Variants in ETV5 observed in about 807,000 individuals in gnomAD.
ETV5 encodes ETS translocation variant 5.
ETV5 carries 10 observed loss-of-function variants against 70.0 expected under a neutral mutation model. The ratio of observed to expected loss-of-function variants is 0.14; its 90% CI spans 0.09 to 0.24. ETV5 has a LOEUF of 0.24. Ranked by LOEUF, ETV5 falls within the 10% of genes least tolerant of loss-of-function variation. ETV5 has a pLI of 1.00. For synonymous variants in ETV5, 216 were observed against 242.2 expected (o/e 0.89, Z 1.01); for missense variants, 453 against 651.2 (o/e 0.70, Z 3.31).
intron 5 of ETV5, among the ~76,000 whole-genome samples, chr3:186,086,669 C>T (rs1714064419): frequency 6.6e-6 from 1 of 151,956 alleles, no homozygotes; most frequent in African/African-American, 2.4e-5. Context: ...AAGATGTCTA[C>T]ACTGGGCCAG....
At position 186,047,929 on chromosome 3, in the gene ETV5, G is replaced by A. The variant is rs923839142; in HGVS notation, c.*710C>T. On this transcript the variant is annotated 3_prime_UTR_variant, in exon 13 of 13. Transcript: ENST00000306376. Reference sequence around the variant, plus strand: ...CAAAATACTGTCAAAAGTGTTAATCGCCCTTCTCCTAAAATAAAAGTCATC... The same window carrying A: ...CAAAATACTGTCAAAAGTGTTAATCACCCTTCTCCTAAAATAAAAGTCATC... 4 of 233,158 alleles carry A rather than the reference G, an allele frequency of 1.7e-5. No individual in the cohort carries two copies. The highest frequency in any genetic ancestry group is 1.2e-4 in the East Asian group (2 of 16,572). The allele number at this position is 233,158 out of a possible 1,614,324, so 14.4% of individuals were successfully genotyped here. A position where few individuals can be genotyped will look rare whatever the true frequency, so the allele number is the denominator to read the frequency against.
Position 186,057,237 on chromosome 3 carries a change from G to T in ETV5, c.1047C>A (p.Val349=), listed in dbSNP as rs1475853907. 1.9e-6 allele frequency: 3 copies of T among 1,614,132 alleles called. No homozygotes were observed. In the East Asian group the frequency reaches 6.7e-5, roughly 36 times the overall value. ...CTCGATACATGGTAGGCTCCTGTTT[G>T]ACTTTGCCTGTTTGGGACAAGGACA... is the stretch of plus-strand genomic sequence containing the variant. ...CVVPERLEGK[V]KQEPTMYREG... is the part of the protein sequence containing the mutation. Residue 349 remains valine (V), a synonymous_variant, in exon 11 of 13, where the codon GTC becomes GTA. Transcript: ENST00000306376. The surrounding 1 kb of genome is among the most constrained non-coding windows in gnomAD (Gnocchi z 4.9).
chr3:186,089,534 ACT>A (rs1714132351), intron 5 of ETV5, among the ~76,000 whole-genome samples: 1 of 152,168 alleles, frequency 6.6e-6, no homozygotes, highest in Non-Finnish European at 1.5e-5. Context: ...CATCTGTGTC[ACT>A]CTGTTCTTTC....
chr3:186,093,876 T>G (rs1039894159), intron 5 of ETV5, among the ~76,000 whole-genome samples: 2 of 152,224 alleles, frequency 1.3e-5, no homozygotes, highest in African/African-American at 4.8e-5. Context: ...CTACCTTTTC[T>G]GCTGCATGAG....
At chr3:186,080,195 T>C (rs541734870) in intron 6 of ETV5, 91 bp from the exon 7 acceptor site, 24 of 1,095,904 alleles carry the variant, frequency 2.2e-5, no homozygotes, top group Admixed American at 3.7e-5. Flanking sequence ...TTGCAGCCCA[T>C]TGTTGCCAGG....
In ETV5 at chr3:186,048,802, A is replaced by G. The variant is rs1712946806; in HGVS notation, c.1370T>C (p.Met457Thr). 6.2e-7 allele frequency: 1 copy of G among 1,614,166 alleles called. No homozygotes were observed. The highest frequency in any genetic ancestry group is 8.5e-7 in the Non-Finnish European group (1 of 1,180,010). The change falls in exon 13 of 13, where the codon ATG (methionine) becomes ACG (threonine). Residue 457 changes from methionine to threonine, a missense_variant. Physicochemically the swap from Met to Thr is moderately conservative, Grantham distance 81 (BLOSUM62 -1). This residue lies in a region of ETV5 where 74 missense variants were observed against 95.2 expected (regional missense o/e 0.78). Coordinates refer to ENST00000306376, the MANE Select transcript of ETV5 (RefSeq NM_004454.3). ...CGGACGCTGGTTATCCGGGAAAGCC[A>G]TGGAGAAGAGGGCATCTGGGTCACA... ...FVCDPDALFSMAFPDNQRPFL... is the reference protein window; with the variant it reads ...FVCDPDALFSTAFPDNQRPFL...
intron 5 of ETV5, chr3:186,095,127 G>C (rs910690629): frequency 6.6e-6 from 1 of 152,166 alleles, no homozygotes; most frequent in African/African-American, 2.4e-5. Flanking sequence ...AAATATGATA[G>C]ACAACTATTG....
chr3:186,076,777 C>T (rs944497414), intron 7 of ETV5, among the ~76,000 whole-genome samples: 37 of 152,074 alleles, frequency 2.4e-4, no homozygotes, highest in Admixed American at 2.0e-3. Flanking sequence ...TGAACAGATA[C>T]GGCACACCCA....
chr3:186,080,787 T>A (rs910935762), intron 6 of ETV5: 1 of 284,430 alleles, frequency 3.5e-6, no homozygotes, highest in South Asian at 9.5e-5. Flanking sequence ...GGATTGAGAC[T>A]CTTTCCCTAG....
intron 5 of ETV5, among the ~76,000 whole-genome samples, chr3:186,101,888 AG>A (rs1317760648): frequency 6.6e-6 from 1 of 152,202 alleles, no homozygotes; most frequent in Non-Finnish European, 1.5e-5. Flanking sequence ...CTTAGGACCA[AG>A]GGACAATGAG....
At chr3:186,075,833 T>C (rs1713770645) in intron 7 of ETV5, among the ~76,000 whole-genome samples, 1 of 152,218 alleles carries the variant, frequency 6.6e-6, no homozygotes, top group African/African-American at 2.4e-5. Flanking sequence ...ACCTCTTTGG[T>C]TGATGTCAAG....
In ETV5 at chr3:186,081,155, G is replaced by T. The variant is rs540138059; in HGVS notation, c.253C>A (p.Pro85Thr). ...TGCAGCTCCCGTTTGATCTTGGTTGGAGGTGGGGCATGAAGCACCACTGAA... is the reference window on the plus strand; with the variant it reads ...TGCAGCTCCCGTTTGATCTTGGTTGTAGGTGGGGCATGAAGCACCACTGAA... ...SDNLVLHAPP[P>T]TKIKRELHSP... Residue 85 changes from proline (P) to threonine (T), a missense_variant, in exon 6 of 13, where the codon CCA (proline) becomes ACA (threonine). Physicochemically the swap from Pro to Thr is conservative, Grantham distance 38. Transcript: ENST00000306376. 8.7e-6 allele frequency: 14 copies of T among 1,613,324 alleles called. No individual in the cohort carries two copies. Among genetic ancestry groups the T allele is most frequent in the Non-Finnish European group, 1.2e-5 (14 of 1,179,626 alleles).
At chr3:186,070,476 C>A (rs182268968) in intron 7 of ETV5, among the ~76,000 whole-genome samples, 6 of 152,206 alleles carry the variant, frequency 3.9e-5, no homozygotes, top group Admixed American at 1.3e-4. Flanking sequence ...TTTAAGGATG[C>A]GCAAAGCTTA....
chr3:186,105,089 G>A lies in ETV5; in HGVS notation c.232+216C>T, dbSNP rs1267974533. 1.1e-5 allele frequency: 5 copies of A among 458,588 alleles called. No homozygotes were observed. The highest frequency in any genetic ancestry group is 1.9e-5 in the Non-Finnish European group (5 of 263,130). The allele number at this position is 458,588 out of a possible 1,614,324, so 28.4% of individuals were successfully genotyped here. ...AAAAAGAAATTTAGGATAAAATTAT[G>A]TTCAGTAAATCTTACCTGCAATACA... On this transcript the variant is annotated intron_variant, in intron 5 of 12. Transcript: ENST00000306376. This position sits in a 1 kb window ranked among gnomAD's most constrained non-coding sequence, Gnocchi z 4.5.
rs372930536 is a variant in ETV5, at chr3:186,062,251, T to C, written c.970+2166A>G. Among the ~76,000 whole-genome samples the C allele has an allele frequency of 1.1e-3, 168 of 152,336 alleles. 6 individuals carry two copies. In the South Asian group the frequency reaches 0.034, roughly 31 times the overall value. The stretch of plus-strand genomic sequence containing the variant: ...ATGGAAGGAGATGAAGAGTATGGGC[T>C]CTGGAGCCACAGGGCTTGGCTTAGA... On this transcript the variant is annotated intron_variant, in intron 9 of 12. Transcript: ENST00000306376.
chr3:186,092,939 G>C (rs1368924867), intron 5 of ETV5, among the ~76,000 whole-genome samples: 2 of 152,136 alleles, frequency 1.3e-5, no homozygotes, highest in Non-Finnish European at 2.9e-5. Flanking sequence ...TGCTTTCTCT[G>C]GGGGAAATGC....
intron 11 of ETV5, among the ~76,000 whole-genome samples, chr3:186,053,332 C>T (rs1226885190): frequency 6.6e-6 from 1 of 152,176 alleles, no homozygotes; most frequent in Admixed American, 6.5e-5. Flanking sequence ...AAACTCCTGA[C>T]CTCAAGTGAC....
Position 186,048,566 on chromosome 3 carries a change from C to A in ETV5, c.*73G>T. 1 of 1,402,496 alleles carries A rather than the reference C, an allele frequency of 7.1e-7. No homozygotes were observed. Among genetic ancestry groups the A allele is most frequent in the Non-Finnish European group, 1.0e-6 (1 of 997,124 alleles). The allele number at this position is 1,402,496 out of a possible 1,614,324, so 86.9% of individuals were successfully genotyped here. On this transcript the variant is annotated 3_prime_UTR_variant, in exon 13 of 13. Coordinates refer to ENST00000306376, the MANE Select transcript of ETV5 (RefSeq NM_004454.3). ...CTTTAGGAACAACCAAAAACACAAA[C>A]AAAACCACTGCCCTTGTTTGCCTGA...
At chr3:186,106,237 T>C (rs1714584438) in intron 1 of ETV5, among the ~76,000 whole-genome samples, 1 of 151,996 alleles carries the variant, frequency 6.6e-6, no homozygotes, top group African/African-American at 2.4e-5. Context: ...CAAAAATAAA[T>C]AAATAAAATA....
Sources: gnomAD v4.1 joint callset for allele counts (sites outside exome capture counted in the v4.1 genomes callset) on GRCh38, gnomAD v4.1.1 for gene constraint, gnomAD v4.1.1 regional missense constraint, Gnocchi (gnomAD v3.1) non-coding constraint, MANE v1.5 for transcripts, NCBI Gene and HGNC (gene_info 2026-07-23, HGNC 2026-07-21) for gene names.